SMC4: variants seen among roughly 807,000 people sequenced by gnomAD.
The protein encoded by SMC4 is structural maintenance of chromosomes protein 4.
In SMC4, 87 loss-of-function variants were observed where a neutral mutation model predicts 145.6. The observed-to-expected ratio is 0.60, with a 90% CI of 0.50 to 0.71. The LOEUF (loss-of-function observed/expected upper bound fraction) is 0.71, where lower values mean the gene tolerates loss of function less well. SMC4 is among the 30% of genes least tolerant of loss of function. The pLI is 0.00. For synonymous variants in SMC4, 558 were observed against 500.7 expected, an observed-to-expected ratio of 1.11 and a Z score of -1.53; for missense variants, 1,447 against 1,537.1, an observed-to-expected ratio of 0.94 and a Z score of 0.98.
chr3:160,432,166 C>A (rs1295882941), intron 21 of SMC4, 117 bp from the exon 22 acceptor site: 1 of 790,586 alleles, frequency 1.3e-6, no homozygotes, highest in Non-Finnish European at 2.0e-6. Flanking sequence ...CGCGCCATTG[C>A]ACTCCAGCCT....
At chr3:160,423,357 T>TG in intron 13 of SMC4, 68 bp from the exon 14 acceptor site, 3 of 766,634 alleles carry the variant, frequency 3.9e-6, no homozygotes, top group Non-Finnish European at 5.6e-6. Context: ...GGGTTTTTTT[T>TG]TGTTTTTTTT....
intron 4 of SMC4, chr3:160,404,031 T>C (rs940671364): frequency 6.9e-6 from 2 of 289,924 alleles, no homozygotes; most frequent in Non-Finnish European, 1.3e-5. Flanking sequence ...GAATCTTGTC[T>C]ACGTCTTCTC....
chr3:160,422,885 A>T (rs1717333554), intron 13 of SMC4, among the ~76,000 whole-genome samples: 1 of 152,178 alleles, frequency 6.6e-6, no homozygotes, highest in Non-Finnish European at 1.5e-5. Flanking sequence ...AGTTATTCCA[A>T]CACCATTTGT....
chr3:160,400,991 G>A, intron 2 of SMC4, 26 bp downstream of exon 2: 1 of 1,377,070 alleles, frequency 7.3e-7, no homozygotes, highest in Non-Finnish European at 9.3e-7. Context: ...CGACTCGGCG[G>A]GAACGCGCGC....
At position 160,433,754 on chromosome 3, in the gene SMC4, T is replaced by G; in HGVS notation, c.3812T>G (p.Ile1271Arg). 2.5e-6 allele frequency: 4 copies of G among 1,600,954 alleles called. No individual in the cohort carries two copies. Among genetic ancestry groups the G allele is most frequent in the Non-Finnish European group, 3.4e-6 (4 of 1,174,420 alleles). ...ATTGGAATTTACAAGACATACAACA[T>G]AACAAAAAGTGTTGCTGTAAATCCA... ...RLIGIYKTYN[I>R]TKSVAVNPKE... is the part of the protein sequence containing the mutation. The change falls in exon 24 of 24, where the codon ATA (isoleucine) becomes AGA (arginine). Residue 1271 changes from isoleucine (I) to arginine (R), a missense_variant. By Grantham distance (97) the Ile-to-Arg change is moderately conservative. Coordinates refer to ENST00000357388, the MANE Select transcript of SMC4 (RefSeq NM_001002800.3).
rs1426843660 is a variant in SMC4, at chr3:160,431,110, C to T, written c.3019C>T (p.Leu1007Phe). ...AGTTATTCAAGAAAATGAACATGCTCTTCAAAAAGATGCACTTAGTATTAA... is the reference window on the plus strand; with the variant it reads ...AGTTATTCAAGAAAATGAACATGCTTTTCAAAAAGATGCACTTAGTATTAA... ...LKVIQENEHA[L>F]QKDALSIKLK... Residue 1007 changes from leucine (L) to phenylalanine (F), a missense_variant, in exon 20 of 24, where the codon CTT becomes TTT. Leu to Phe is a conservative substitution (Grantham distance 22). Transcript: ENST00000357388. 6.2e-7 allele frequency: 1 copy of T among 1,607,726 alleles called. No homozygotes were observed. Among genetic ancestry groups the T allele is most frequent in the Non-Finnish European group, 8.5e-7 (1 of 1,178,146 alleles).
chr3:160,429,852 G>A (rs1022690647), intron 18 of SMC4, among the ~76,000 whole-genome samples: 1 of 151,936 alleles, frequency 6.6e-6, no homozygotes, highest in Non-Finnish European at 1.5e-5. Flanking sequence ...AAGTAGCTGG[G>A]ATTACAGGCA....
intron 17 of SMC4, among the ~76,000 whole-genome samples, chr3:160,426,755 AGCAGCTGT>A (rs1717838209): frequency 6.6e-6 from 1 of 152,192 alleles, no homozygotes; most frequent in Non-Finnish European, 1.5e-5. Flanking sequence ...CATGCACTTG[AGCAGCTGT>A]GCTTGTCTTT....
In SMC4 at chr3:160,413,556, G is replaced by T; in HGVS notation, c.1064G>T (p.Ser355Ile). The T allele has an allele frequency of 6.6e-7, 1 of 1,509,348 alleles. No homozygotes were observed. Among genetic ancestry groups the T allele is most frequent in the African/African-American group, 1.4e-5 (1 of 70,616 alleles). The allele number at this position is 1,509,348 out of a possible 1,614,324, so 93.5% of individuals were successfully genotyped here. A position where few individuals can be genotyped will look rare whatever the true frequency, so the allele number is the denominator to read the frequency against. ...GATACCAAAGAAATTAATGAGAAGA[G>T]CAATATACTATCAAATGAAATGAAA... ...HEDTKEINEKSNILSNEMKAK... is the reference protein window; with the variant it reads ...HEDTKEINEKINILSNEMKAK... Residue 355 changes from serine to isoleucine, a missense_variant, in exon 8 of 24, where the codon AGC becomes ATC. Coordinates refer to ENST00000357388, the MANE Select transcript of SMC4 (RefSeq NM_001002800.3).
intron 5 of SMC4, among the ~76,000 whole-genome samples, chr3:160,409,796 G>GT (rs1715778829): frequency 1.3e-5 from 2 of 152,172 alleles, no homozygotes; most frequent in Non-Finnish European, 1.5e-5. Context: ...ACTAGGCATG[G>GT]TGGGTCATGC....
chr3:160,425,497 T>G (rs1215473484), intron 16 of SMC4, among the ~76,000 whole-genome samples: 1 of 152,182 alleles, frequency 6.6e-6, no homozygotes, highest in East Asian at 1.9e-4. Context: ...TGCATATGGT[T>G]TTTTTAATGT....
At position 160,423,359 on chromosome 3, in the gene SMC4, GT is replaced by G. The variant is rs372679543; in HGVS notation, c.2020-55del. The G allele has an allele frequency of 7.0e-3, 2,792 of 400,882 alleles. 10 individuals carry two copies. Among genetic ancestry groups the G allele is most frequent in the Middle Eastern group, 0.01 (14 of 1,364 alleles). The allele number at this position is 400,882 out of a possible 1,614,324, so 24.8% of individuals were successfully genotyped here. A position where few individuals can be genotyped will look rare whatever the true frequency, so the allele number is the denominator to read the frequency against. ...AATTTATTCCTATGGGTTTTTTTTT[GT>G]TTTTTTTTTTGAGTTTTCTTTTTTG... is the stretch of plus-strand genomic sequence containing the variant. On this transcript the variant is annotated intron_variant, in intron 13 of 23. Coordinates refer to ENST00000357388, the MANE Select transcript of SMC4 (RefSeq NM_001002800.3).
chr3:160,416,512 GTT>G, intron 10 of SMC4, 97 bp downstream of exon 10: 1 of 747,938 alleles, frequency 1.3e-6, no homozygotes, highest in Non-Finnish European at 2.0e-6. Flanking sequence ...GAACTGGTAA[GTT>G]TGGACTTTTA....
At chr3:160,415,679 C>T (rs908680898) in intron 9 of SMC4, among the ~76,000 whole-genome samples, 10 of 152,204 alleles carry the variant, frequency 6.6e-5, no homozygotes, top group African/African-American at 2.4e-4. Context: ...AATAACAAGG[C>T]TTTGGGGGTA....
At chr3:160,414,070 A>C (rs1716331640) in intron 8 of SMC4, 1 of 429,694 alleles carries the variant, frequency 2.3e-6, no homozygotes, top group Admixed American at 3.8e-5. Flanking sequence ...TATTCGTAAA[A>C]GGTAAAACCA....
chr3:160,419,491 C>G lies in SMC4; in HGVS notation c.1805C>G (p.Ala602Gly), dbSNP rs202151077. 7.5e-6 allele frequency: 12 copies of G among 1,597,764 alleles called. No individual in the cohort carries two copies. The highest frequency in any genetic ancestry group is 1.4e-5 in the African/African-American group (1 of 73,324). The change falls in exon 12 of 24, where the codon GCA becomes GGA. Residue 602 changes from alanine (A) to glycine (G), a missense_variant. Physicochemically the swap from Ala to Gly is moderately conservative, Grantham distance 60 (BLOSUM62 0). Transcript: ENST00000357388. ...CGAAGTAGGGGGAAAGTCCTTGATGCAATAATTCAAGAAAAAAAATCTGGC... is the reference window on the plus strand; with the variant it reads ...CGAAGTAGGGGGAAAGTCCTTGATGGAATAATTCAAGAAAAAAAATCTGGC... ...MNRSRGKVLD[A>G]IIQEKKSGRI...
Position 160,431,125 on chromosome 3 carries a change from C to G in SMC4, c.3034C>G (p.Leu1012Val), listed in dbSNP as rs761200406. Residue 1012 changes from leucine (L) to valine (V), a missense_variant, in exon 20 of 24, where the codon CTT becomes GTT. Coordinates refer to ENST00000357388, the MANE Select transcript of SMC4 (RefSeq NM_001002800.3). ...ENEHALQKDA[L>V]SIKLKLEQID... Reference sequence around the variant, plus strand: ...TGAACATGCTCTTCAAAAAGATGCACTTAGTATTAAGTTGAAACTTGAACA... The same window carrying G: ...TGAACATGCTCTTCAAAAAGATGCAGTTAGTATTAAGTTGAAACTTGAACA... 4 of 1,606,818 alleles carry G rather than the reference C, an allele frequency of 2.5e-6. No homozygotes were observed. Among genetic ancestry groups the G allele is most frequent in the Admixed American group, 3.4e-5 (2 of 58,236 alleles).
chr3:160,423,813 A>C lies in SMC4; in HGVS notation c.2298A>C (p.Ser766=). The C allele has an allele frequency of 6.2e-7, 1 of 1,613,412 alleles. No individual in the cohort carries two copies. The highest frequency in any genetic ancestry group is 1.1e-5 in the South Asian group (1 of 90,938). Reference sequence around the variant, plus strand: ...TAATGAAAGGAAGAATGGGTTCCTCACTTGTTATTGAAATCTCTGAAGAAG... The same window carrying C: ...TAATGAAAGGAAGAATGGGTTCCTCCCTTGTTATTGAAATCTCTGAAGAAG... The part of the protein sequence containing the change: ...SKVMKGRMGS[S]LVIEISEEEV... Residue 766 remains serine (S), a synonymous_variant, in exon 15 of 24, where the codon TCA becomes TCC. Transcript: ENST00000357388.
At position 160,413,540 on chromosome 3, in the gene SMC4, G is replaced by A. The variant is rs773884259; in HGVS notation, c.1048G>A (p.Glu350Lys). The change falls in exon 8 of 24, where the codon GAA becomes AAA. Residue 350 changes from glutamate (E) to lysine (K), a missense_variant. Physicochemically the swap from Glu to Lys is moderately conservative, Grantham distance 56. Transcript: ENST00000357388. ...QKEKIHEDTK[E>K]INEKSNILSN... ...GGAAAAAATTCATGAAGATACCAAA[G>A]AAATTAATGAGAAGAGCAATATACT... is the stretch of plus-strand genomic sequence containing the variant. 7 of 1,567,926 alleles carry A rather than the reference G, an allele frequency of 4.5e-6. No homozygotes were observed. Among genetic ancestry groups the A allele is most frequent in the Non-Finnish European group, 6.1e-6 (7 of 1,156,432 alleles).
Sources: allele counts gnomAD v4.1 joint callset (sites outside exome capture counted in the v4.1 genomes callset), GRCh38; gene constraint gnomAD v4.1.1; transcripts MANE v1.5; gene names NCBI Gene and HGNC (gene_info 2026-07-23, HGNC 2026-07-21).